The following KANK4 variants were observed in gnomAD, a reference collection of about 807,000 sequenced individuals.
KANK4 encodes the protein KN motif and ankyrin repeat domain-containing protein 4.
Under a neutral mutation model 80.8 loss-of-function variants are expected in KANK4, and 50 were observed. That is an observed-to-expected ratio of 0.62 (90% CI 0.49 to 0.78). The LOEUF is 0.78. KANK4 is among the 30% of genes least tolerant of loss of function. The pLI is 0.00. For missense variants in KANK4, 1,196 were observed against 1,240.1 expected, an observed-to-expected ratio of 0.96 and a Z score of 0.53; for synonymous variants, 465 against 506.9, an observed-to-expected ratio of 0.92 and a Z score of 1.11.
chr1:62,252,957 T>C, intron 8 of KANK4, 110 bp downstream of exon 8: 1 of 1,345,728 alleles, frequency 7.4e-7, no homozygotes, highest in East Asian at 2.4e-5. Flanking sequence ...CCCAGCCTCC[T>C]TGGGTTAAAA....
At chr1:62,310,128 T>G (rs932638856) in intron 1 of KANK4, among the ~76,000 whole-genome samples, 1 of 152,204 alleles carries the variant, frequency 6.6e-6, no homozygotes, top group African/African-American at 2.4e-5. Flanking sequence ...TATCAGTCAC[T>G]TAACCACGTG....
Position 62,274,742 on chromosome 1 carries a change from C to G in KANK4, c.362G>C (p.Ser121Thr). 6.2e-7 allele frequency: 1 copy of G among 1,614,146 alleles called. No homozygotes were observed. The highest frequency in any genetic ancestry group is 8.5e-7 in the Non-Finnish European group (1 of 1,179,996). Residue 121 changes from serine (S) to threonine (T), a missense_variant, in exon 3 of 10, where the codon AGC (serine) becomes ACC (threonine). Physicochemically the swap from Ser to Thr is moderately conservative, Grantham distance 58. This residue lies in a region of KANK4 where 1,154 missense variants were observed against 1,179.6 expected (regional missense o/e 0.98). Coordinates refer to ENST00000371153, the MANE Select transcript of KANK4 (RefSeq NM_181712.5). ...CCTGTGGTAGCTCACCTCACTCCTG[C>G]TTGTTGAGGCCTGGGGGGCATTACC... The part of the protein sequence containing the change: ...PLGNAPQAST[S>T]RSEVSYHRKA...
chr1:62,251,271 T>C (rs1222569132), intron 8 of KANK4, among the ~76,000 whole-genome samples: 1 of 152,194 alleles, frequency 6.6e-6, no homozygotes, highest in East Asian at 1.9e-4. Flanking sequence ...TGGCTACTGC[T>C]TCGGCTGTGG....
At chr1:62,265,786 CTA>C (rs1015125374) in intron 6 of KANK4, among the ~76,000 whole-genome samples, 2 of 152,156 alleles carry the variant, frequency 1.3e-5, no homozygotes, top group African/African-American at 4.8e-5. Flanking sequence ...AGTAGAATCA[CTA>C]TGTGTTTAAA....
intron 7 of KANK4, among the ~76,000 whole-genome samples, chr1:62,262,419 A>T (rs896240365): frequency 3.3e-5 from 5 of 152,228 alleles, no homozygotes; most frequent in Admixed American, 6.5e-5. Flanking sequence ...TTTCCTTGAC[A>T]GAAAGAAATG....
intron 8 of KANK4, among the ~76,000 whole-genome samples, chr1:62,252,463 G>C (rs190562592): frequency 1.3e-5 from 2 of 152,368 alleles, no homozygotes; most frequent in East Asian, 3.9e-4. Context: ...AGCATGCCAG[G>C]TTGATTGATA....
rs143546682 is a variant in KANK4 at position 62,277,938 on chromosome 1, G to A, written c.17-2851C>T. On this transcript the variant is annotated intron_variant, in intron 2 of 9. Transcript: ENST00000371153. ...TCCACAGAGAATGTGCAAAGGGATGGAGGGTGAAATCACACAGTATTTCAA... is the reference window on the plus strand; with the variant it reads ...TCCACAGAGAATGTGCAAAGGGATGAAGGGTGAAATCACACAGTATTTCAA... Among the ~76,000 whole-genome samples, 793 of 152,338 alleles carry A rather than the reference G, an allele frequency of 5.2e-3. 20 individuals carry two copies. The highest frequency in any genetic ancestry group is 0.048 in the Admixed American group (729 of 15,294).
In KANK4 at chr1:62,312,437, C is replaced by T. The variant is rs537683134; in HGVS notation, c.-71+6669G>A. On this transcript the variant is annotated intron_variant, in intron 1 of 9. Transcript: ENST00000371153. ...TTTACAGACTCCTCTGAATTCTATA[C>T]GGGAACCCCTTGGGGCTCTTGACCC... is the stretch of plus-strand genomic sequence containing the variant. Among the ~76,000 whole-genome samples, 248 of 152,314 alleles carry T rather than the reference C, an allele frequency of 1.6e-3. 1 individual carries two copies. The highest frequency in any genetic ancestry group is 3.4e-3 in the Middle Eastern group (1 of 294).
chr1:62,241,120 A>G (rs1210407749), intron 9 of KANK4, among the ~76,000 whole-genome samples: 1 of 152,234 alleles, frequency 6.6e-6, no homozygotes, highest in Non-Finnish European at 1.5e-5. Flanking sequence ...ATTCTTTCAC[A>G]GAAGCAGGCA....
chr1:62,297,952 A>C (rs2149164669), intron 1 of KANK4, among the ~76,000 whole-genome samples: 1 of 152,144 alleles, frequency 6.6e-6, no homozygotes, highest in East Asian at 1.9e-4. Context: ...GGGCAGATAC[A>C]AGGGTTTTAG....
At chr1:62,264,140 G>A (rs183690765) in intron 6 of KANK4, among the ~76,000 whole-genome samples, 95 of 152,308 alleles carry the variant, frequency 6.2e-4, no homozygotes, top group Non-Finnish European at 1.0e-3. Flanking sequence ...TGGCTCGGCC[G>A]GGCGCGGCAG....
intron 9 of KANK4, among the ~76,000 whole-genome samples, chr1:62,246,342 TC>T (rs1671465451): frequency 6.6e-6 from 1 of 152,170 alleles, no homozygotes; most frequent in African/African-American, 2.4e-5. Context: ...AGAGGCACTT[TC>T]AGTTAAGTGA....
chr1:62,289,408 A>G (rs1672635561), intron 1 of KANK4, among the ~76,000 whole-genome samples: 1 of 152,132 alleles, frequency 6.6e-6, no homozygotes, highest in Non-Finnish European at 1.5e-5. Flanking sequence ...TGTTTTTTTC[A>G]AAGAGCCTCA....
Position 62,274,273 on chromosome 1 carries a change from GAAC to G in KANK4, c.828_830del (p.Leu276del), listed in dbSNP as rs1381967558. On this transcript the variant is annotated inframe_deletion, in exon 3 of 10. Coordinates refer to ENST00000371153, the MANE Select transcript of KANK4 (RefSeq NM_181712.5). ...GGCTTGGCGTAGGGGAGCCAGGGGTGAACAACACCTCTGCTTCTCTGGCATTGT... is the reference window on the plus strand; with the variant it reads ...GGCTTGGCGTAGGGGAGCCAGGGGTGAACACCTCTGCTTCTCTGGCATTGT... The G allele has an allele frequency of 6.2e-7, 1 of 1,613,956 alleles. No homozygotes were observed. Among genetic ancestry groups the G allele is most frequent in the Non-Finnish European group, 8.5e-7 (1 of 1,179,992 alleles).
intron 3 of KANK4, 172 bp from the exon 4 acceptor site, chr1:62,271,761 G>T (rs959476775): frequency 9.4e-5 from 53 of 564,564 alleles, no homozygotes; most frequent in African/African-American, 8.8e-4. Flanking sequence ...GAGGAGCCTT[G>T]CTTTCTGCTC....
At chr1:62,303,960 G>A (rs948869585) in intron 1 of KANK4, among the ~76,000 whole-genome samples, 3 of 151,524 alleles carry the variant, frequency 2.0e-5, no homozygotes, top group African/African-American at 4.9e-5. Context: ...TGGAACTTCC[G>A]TCTCCCAGGT....
At position 62,274,742 on chromosome 1, in the gene KANK4, C is replaced by T. The variant is rs1376321407; in HGVS notation, c.362G>A (p.Ser121Asn). The T allele has an allele frequency of 1.9e-6, 3 of 1,614,144 alleles. No homozygotes were observed. In the Admixed American group the frequency reaches 5.0e-5, roughly 27 times the overall value. Residue 121 changes from serine to asparagine, a missense_variant, in exon 3 of 10, where the codon AGC (serine) becomes AAC (asparagine). Ser to Asn is a conservative substitution (Grantham distance 46). Around this residue, in one of 3 missense-constraint regions of KANK4, gnomAD observed 1,154 missense variants for 1,179.6 expected, o/e 0.98. Coordinates refer to ENST00000371153, the MANE Select transcript of KANK4 (RefSeq NM_181712.5). ...CCTGTGGTAGCTCACCTCACTCCTGCTTGTTGAGGCCTGGGGGGCATTACC... is the reference window on the plus strand; with the variant it reads ...CCTGTGGTAGCTCACCTCACTCCTGTTTGTTGAGGCCTGGGGGGCATTACC... ...PLGNAPQAST[S>N]RSEVSYHRKA...
In KANK4 at chr1:62,274,895, G is replaced by A. The variant is rs1672273880; in HGVS notation, c.209C>T (p.Pro70Leu). The change falls in exon 3 of 10, where the codon CCC becomes CTC. Residue 70 changes from proline (P) to leucine (L), a missense_variant. Coordinates refer to ENST00000371153, the MANE Select transcript of KANK4 (RefSeq NM_181712.5). ...ACTGTCAGGAAGGCTGAAGTTTCGG[G>A]GCAGAGTGCTAAATTTGGCCTGCTT... ...RAKQAKFSTLPRNFSLPDSGA... is the reference protein window; with the variant it reads ...RAKQAKFSTLLRNFSLPDSGA... 1.9e-6 allele frequency: 3 copies of A among 1,614,184 alleles called. No individual in the cohort carries two copies. The highest frequency in any genetic ancestry group is 2.5e-6 in the Non-Finnish European group (3 of 1,180,026).
At chr1:62,309,457 C>G (rs1644480537) in intron 1 of KANK4, among the ~76,000 whole-genome samples, 2 of 152,264 alleles carry the variant, frequency 1.3e-5, no homozygotes, top group East Asian at 3.9e-4. Context: ...CCTCGACACA[C>G]CAGTGAAGTA....
Sources: gnomAD v4.1 joint callset for allele counts (sites outside exome capture counted in the v4.1 genomes callset) on GRCh38, gnomAD v4.1.1 for gene constraint, gnomAD v4.1.1 regional missense constraint, MANE v1.5 for transcripts, NCBI Gene and HGNC (gene_info 2026-07-23, HGNC 2026-07-21) for gene names.